SCD5: variants seen among roughly 807,000 people sequenced by gnomAD.
SCD5 encodes acyl-CoA-desaturase 4.
Under a neutral mutation model 30.4 loss-of-function variants are expected in SCD5, and 20 were observed. That is an observed-to-expected ratio of 0.66 (90% CI 0.46 to 0.96). The LOEUF is 0.96. Among genes scored for constraint, SCD5 ranks in the 40% least tolerant of loss-of-function variants. The pLI, the probability that SCD5 is intolerant of heterozygous loss-of-function variation, is 0.00. For synonymous variants in SCD5, 173 were observed against 176.4 expected, an observed-to-expected ratio of 0.98 and a Z score of 0.16; for missense variants, 381 against 443.3, an observed-to-expected ratio of 0.86 and a Z score of 1.26.
chr4:82,654,088 T>C (rs2148815374), intron 3 of SCD5, among the ~76,000 whole-genome samples: 1 of 152,274 alleles, frequency 6.6e-6, no homozygotes, highest in East Asian at 1.9e-4. Flanking sequence ...GGCTAATTAT[T>C]GTATTTTTTG....
At chr4:82,633,366 C>A (rs1299454487) in intron 4 of SCD5, among the ~76,000 whole-genome samples, 1 of 152,148 alleles carries the variant, frequency 6.6e-6, no homozygotes, top group Non-Finnish European at 1.5e-5. Context: ...GATACATATT[C>A]TTTATCCATT....
Position 82,798,426 on chromosome 4 carries a change from C to G in SCD5, c.112G>C (p.Ala38Pro), listed in dbSNP as rs763955695. 3 of 1,613,138 alleles carry G rather than the reference C, an allele frequency of 1.9e-6. No individual in the cohort carries two copies. In the African/African-American group the frequency reaches 4.0e-5, roughly 22 times the overall value. The change falls in exon 1 of 5, where the codon GCG becomes CCG. Residue 38 changes from alanine (A) to proline (P), a missense_variant. Physicochemically the swap from Ala to Pro is conservative, Grantham distance 27. Coordinates refer to ENST00000319540, the MANE Select transcript of SCD5 (RefSeq NM_001037582.3). The stretch of plus-strand genomic sequence containing the variant: ...ACGATGTTCTGCCGCTGCCCGCGCG[C>G]GCCTGGCCTCTCCGGGCCGCCGCCG... ...EGGGGPERPGARGQRQNIVWR... is the reference protein window; with the variant it reads ...EGGGGPERPGPRGQRQNIVWR...
chr4:82,764,518 G>A (rs947850433), intron 1 of SCD5, among the ~76,000 whole-genome samples: 8 of 152,062 alleles, frequency 5.3e-5, no homozygotes, highest in Non-Finnish European at 1.2e-4. Context: ...TTGCTTTAGG[G>A]TTCATAGTAT....
chr4:82,756,164 C>A (rs1721229348), intron 1 of SCD5, among the ~76,000 whole-genome samples: 1 of 152,192 alleles, frequency 6.6e-6, no homozygotes, highest in South Asian at 2.1e-4. Context: ...TCTCTCCACT[C>A]CCTTCTAGAA....
intron 1 of SCD5, among the ~76,000 whole-genome samples, chr4:82,779,023 G>A (rs1291356169): frequency 6.6e-6 from 1 of 151,964 alleles, no homozygotes; most frequent in Non-Finnish European, 1.5e-5. Context: ...GCGCCACCAC[G>A]CCTGGCTAAT....
chr4:82,778,436 A>G (rs1015104613), intron 1 of SCD5, among the ~76,000 whole-genome samples: 1 of 152,248 alleles, frequency 6.6e-6, no homozygotes, highest in Non-Finnish European at 1.5e-5. Flanking sequence ...TCTACAGATT[A>G]GAAGCCTGAG....
At chr4:82,786,509 G>A (rs939121732) in intron 1 of SCD5, among the ~76,000 whole-genome samples, 2 of 152,056 alleles carry the variant, frequency 1.3e-5, no homozygotes, top group Non-Finnish European at 2.9e-5. Flanking sequence ...TATTTAAGAG[G>A]CAATCTTCGG....
intron 1 of SCD5, among the ~76,000 whole-genome samples, chr4:82,769,942 A>C (rs1188081242): frequency 6.6e-6 from 1 of 152,216 alleles, no homozygotes; most frequent in Admixed American, 6.5e-5. Flanking sequence ...GAAACAAAAA[A>C]AAAATGCTCA....
At chr4:82,734,247 C>T (rs958432931) in intron 1 of SCD5, among the ~76,000 whole-genome samples, 1 of 152,152 alleles carries the variant, frequency 6.6e-6, no homozygotes, top group Non-Finnish European at 1.5e-5. Flanking sequence ...AATGCTTTCC[C>T]TCTTTCCTGT....
chr4:82,770,178 G>A (rs1396956812), intron 1 of SCD5, among the ~76,000 whole-genome samples: 1 of 151,696 alleles, frequency 6.6e-6, no homozygotes, highest in South Asian at 2.1e-4. Flanking sequence ...ATGCTATCCT[G>A]CCCCCCTCCC....
At chr4:82,685,746 CAAAA>C (rs1291346258) in intron 2 of SCD5, among the ~76,000 whole-genome samples, 2 of 150,658 alleles carry the variant, frequency 1.3e-5, no homozygotes, top group Non-Finnish European at 3.0e-5. Flanking sequence ...AAACTAAAAA[CAAAA>C]AAAGTGAAAA....
At chr4:82,649,764 G>GC (rs1312213524) in intron 3 of SCD5, among the ~76,000 whole-genome samples, 3 of 152,152 alleles carry the variant, frequency 2.0e-5, no homozygotes, top group Non-Finnish European at 4.4e-5. Context: ...ACTGGAGTTG[G>GC]CCAAGGTTAT....
intron 2 of SCD5, chr4:82,698,110 A>C (rs1451582044): frequency 1.1e-5 from 5 of 456,528 alleles, no homozygotes; most frequent in African/African-American, 8.0e-5. Context: ...AAAACCAACA[A>C]CACCCACCCA....
At chr4:82,757,707 C>G (rs1010977165) in intron 1 of SCD5, among the ~76,000 whole-genome samples, 2 of 152,098 alleles carry the variant, frequency 1.3e-5, no homozygotes, top group African/African-American at 4.8e-5. Flanking sequence ...TGTAGAGCCT[C>G]GTCTGCAAAA....
At chr4:82,705,821 G>A (rs1218981313) in intron 1 of SCD5, among the ~76,000 whole-genome samples, 2 of 152,174 alleles carry the variant, frequency 1.3e-5, no homozygotes, top group Non-Finnish European at 2.9e-5. Flanking sequence ...TATGTGAAGA[G>A]CATATTTCTA....
At chr4:82,791,656 G>A (rs919520530) in intron 1 of SCD5, among the ~76,000 whole-genome samples, 1 of 152,172 alleles carries the variant, frequency 6.6e-6, no homozygotes, top group African/African-American at 2.4e-5. Flanking sequence ...GCCTAATGCT[G>A]GTTGTACTCT....
Position 82,722,629 on chromosome 4 carries a change from G to A in SCD5, c.233-17216C>T, listed in dbSNP as rs149801194. On this transcript the variant is annotated intron_variant, in intron 1 of 4. Coordinates refer to ENST00000319540, the MANE Select transcript of SCD5 (RefSeq NM_001037582.3). ...AAAAATGCAAAAATTAGCCAGGTGT[G>A]GTGGCAGGTGCCTCTAATCCCAGCT... 7.1e-3 allele frequency among the ~76,000 whole-genome samples: 1,043 copies of A among 147,034 alleles called. 8 individuals carry two copies. Among genetic ancestry groups the A allele is most frequent in the Middle Eastern group, 0.034 (10 of 294 alleles).
At chr4:82,716,409 G>A (rs1720228279) in intron 1 of SCD5, among the ~76,000 whole-genome samples, 2 of 151,890 alleles carry the variant, frequency 1.3e-5, no homozygotes, top group Admixed American at 1.3e-4. Context: ...TCAAAGTGTT[G>A]TTGGGGGACT....
intron 3 of SCD5, among the ~76,000 whole-genome samples, chr4:82,639,094 C>T (rs781772448): frequency 1.3e-5 from 2 of 152,230 alleles, no homozygotes; most frequent in Admixed American, 1.3e-4. Flanking sequence ...GCTTTGCAGA[C>T]TGCTAGCTGT....
Sources: allele counts gnomAD v4.1 joint callset (sites outside exome capture counted in the v4.1 genomes callset), GRCh38; gene constraint gnomAD v4.1.1; transcripts MANE v1.5; gene names NCBI Gene and HGNC (gene_info 2026-07-23, HGNC 2026-07-21).